The following POU6F2 variants were observed in gnomAD, a reference collection of about 807,000 sequenced individuals.
POU6F2 encodes POU class 6 homeobox 2.
Under a neutral mutation model 71.3 loss-of-function variants are expected in POU6F2, and 31 were observed. The observed-to-expected ratio is 0.43, with a 90% confidence interval of 0.33 to 0.59. The LOEUF is 0.59. POU6F2 is among the 20% of genes least tolerant of loss of function. The pLI, the probability that POU6F2 is intolerant of heterozygous loss-of-function variation, is 0.04. For synonymous variants in POU6F2, 347 were observed against 355.7 expected (o/e 0.98, Z 0.27); for missense variants, 783 against 856.8 (o/e 0.91, Z 1.07).
At chr7:39,054,250 A>T (rs771046557) in intron 1 of POU6F2, among the ~76,000 whole-genome samples, 3 of 152,168 alleles carry the variant, frequency 2.0e-5, no homozygotes, top group Non-Finnish European at 4.4e-5. Flanking sequence ...CCTTTTGAGA[A>T]TAATAATTAT....
intron 4 of POU6F2, among the ~76,000 whole-genome samples, chr7:39,304,552 A>G (rs112481070): frequency 6.6e-6 from 1 of 151,854 alleles, no homozygotes; most frequent in Non-Finnish European, 1.5e-5. Flanking sequence ...GAGAAAAAAA[A>G]TCAAGAAATA....
At chr7:39,280,154 A>G (rs1431339176) in intron 4 of POU6F2, among the ~76,000 whole-genome samples, 1 of 152,136 alleles carries the variant, frequency 6.6e-6, no homozygotes, top group African/African-American at 2.4e-5. Context: ...GTAAGGTCAC[A>G]CTCTGAGGTA....
intron 4 of POU6F2, among the ~76,000 whole-genome samples, chr7:39,318,066 A>C (rs1336676745): frequency 1.3e-5 from 2 of 151,986 alleles, no homozygotes; most frequent in Non-Finnish European, 2.9e-5. Flanking sequence ...CTCTTCCCAC[A>C]CTAACCCTAT....
At chr7:39,233,127 G>C (rs1272869350) in intron 4 of POU6F2, among the ~76,000 whole-genome samples, 1 of 152,020 alleles carries the variant, frequency 6.6e-6, no homozygotes, top group Non-Finnish European at 1.5e-5. Flanking sequence ...CTGTGCTCAG[G>C]TATACCAGTT....
At chr7:39,285,457 T>C (rs1000219299) in intron 4 of POU6F2, among the ~76,000 whole-genome samples, 1 of 152,194 alleles carries the variant, frequency 6.6e-6, no homozygotes, top group Non-Finnish European at 1.5e-5. Context: ...GTGGTTTGTT[T>C]CCATAGCCAG....
intron 4 of POU6F2, among the ~76,000 whole-genome samples, chr7:39,311,824 A>G (rs1785171724): frequency 6.6e-6 from 1 of 152,242 alleles, no homozygotes; most frequent in Non-Finnish European, 1.5e-5. Context: ...TTTTAAAAAC[A>G]TAAAAAATTC....
intron 1 of POU6F2, chr7:39,034,289 TC>T: frequency 5.8e-6 from 1 of 171,102 alleles, no homozygotes; most frequent in Non-Finnish European, 1.3e-5. Context: ...CTTTTTGAGT[TC>T]TTCTGAACTG....
intron 6 of POU6F2, among the ~76,000 whole-genome samples, chr7:39,412,778 CTTTTTTTTTTTTTTTTTTT>C (rs1166811956): frequency 7.3e-4 from 17 of 23,190 alleles, no homozygotes; most frequent in African/African-American, 1.4e-3. Context: ...GTTTTCTTGC[CTTTTTTTTTTTTTTTTTTT>C]TTTTTTTTTT....
At chr7:39,261,875 G>A (rs550693367) in intron 4 of POU6F2, among the ~76,000 whole-genome samples, 2 of 152,330 alleles carry the variant, frequency 1.3e-5, no homozygotes, top group Non-Finnish European at 2.9e-5. Flanking sequence ...AGACATCAGA[G>A]TAGATGTAAA....
intron 4 of POU6F2, among the ~76,000 whole-genome samples, chr7:39,220,080 A>G (rs1794318642): frequency 6.6e-6 from 1 of 152,198 alleles, no homozygotes; most frequent in African/African-American, 2.4e-5. Context: ...TGAGAGTGAA[A>G]GGTGTCAGCA....
intron 4 of POU6F2, among the ~76,000 whole-genome samples, chr7:39,219,214 A>C (rs977413213): frequency 6.6e-6 from 1 of 152,194 alleles, no homozygotes; most frequent in African/African-American, 2.4e-5. Flanking sequence ...GAGCCCCCCA[A>C]AAAAGTATGT....
intron 1 of POU6F2, among the ~76,000 whole-genome samples, chr7:38,983,691 T>G (rs1788387312): frequency 1.3e-5 from 2 of 152,148 alleles, no homozygotes; most frequent in South Asian, 4.1e-4. Context: ...GAATATTGCT[T>G]AATTTTTACT....
chr7:39,261,142 G>A (rs1332453302), intron 4 of POU6F2, among the ~76,000 whole-genome samples: 1 of 151,908 alleles, frequency 6.6e-6, no homozygotes, highest in Admixed American at 6.6e-5. Flanking sequence ...AATGAAAGCT[G>A]CCACAGAGAC....
At chr7:39,061,976 T>A (rs1790665934) in intron 1 of POU6F2, among the ~76,000 whole-genome samples, 1 of 152,176 alleles carries the variant, frequency 6.6e-6, no homozygotes, top group Non-Finnish European at 1.5e-5. Context: ...ACACAAAATA[T>A]TAAGAAAAAG....
chr7:39,290,379 T>C (rs565238819), intron 4 of POU6F2, among the ~76,000 whole-genome samples: 2 of 152,180 alleles, frequency 1.3e-5, no homozygotes, highest in Admixed American at 6.5e-5. Context: ...CCTAGACAAG[T>C]CTCCCCACCA....
intron 4 of POU6F2, among the ~76,000 whole-genome samples, chr7:39,220,737 T>A (rs1794333752): frequency 6.6e-6 from 1 of 151,998 alleles, no homozygotes; most frequent in Non-Finnish European, 1.5e-5. Flanking sequence ...TGCTTGTCTA[T>A]TTTTTAGGGT....
intron 7 of POU6F2, among the ~76,000 whole-genome samples, chr7:39,441,036 A>C (rs1788390669): frequency 6.6e-6 from 1 of 152,054 alleles, no homozygotes; most frequent in Non-Finnish European, 1.5e-5. Context: ...TCATTCAAGA[A>C]GTCTGGAGAA....
chr7:39,301,461 G>A (rs906250521), intron 4 of POU6F2, among the ~76,000 whole-genome samples: 8 of 152,168 alleles, frequency 5.3e-5, no homozygotes, highest in South Asian at 2.1e-4. Flanking sequence ...TTTTTAACAT[G>A]TGCTGCTGTT....
In POU6F2 at chr7:39,000,670, CAT is replaced by C. The variant is rs1290781864; in HGVS notation, c.105+22615_105+22616del. The stretch of plus-strand genomic sequence containing the variant: ...AATGCTATAAATTGGGTCACTCAAA[CAT>C]ATTTGTTGAAATGGAACAAAAACAC... On this transcript the variant is annotated intron_variant, in intron 1 of 9. Transcript: ENST00000518318. 9.9e-5 allele frequency among the ~76,000 whole-genome samples: 15 copies of C among 152,236 alleles called. No individual in the cohort carries two copies. In the South Asian group the frequency reaches 3.1e-3, roughly 32 times the overall value.
Sources: allele counts gnomAD v4.1 joint callset (sites outside exome capture counted in the v4.1 genomes callset), GRCh38; gene constraint gnomAD v4.1.1; transcripts MANE v1.5; gene names NCBI Gene and HGNC (gene_info 2026-07-23, HGNC 2026-07-21).